ZNF616: variants seen among roughly 807,000 people sequenced by gnomAD.
ZNF616 encodes zinc finger protein 616.
Under a neutral mutation model 7.6 loss-of-function variants are expected in ZNF616, and 5 were observed. The ratio of observed to expected loss-of-function variants is 0.66; its 90% CI spans 0.34 to 1.38. The LOEUF is 1.38. ZNF616 is among the 40% of genes most tolerant of loss of function. ZNF616 has a pLI of 0.04. For synonymous variants in ZNF616, 319 were observed against 317.2 expected (o/e 1.01, Z -0.06); for missense variants, 913 against 948.3 (o/e 0.96, Z 0.49).
chr19:52,126,687 C>T (rs979156939), intron 2 of ZNF616, among the ~76,000 whole-genome samples: 4 of 151,868 alleles, frequency 2.6e-5, no homozygotes, highest in South Asian at 4.2e-4. Flanking sequence ...GACAATTGCC[C>T]GAACCCAGGA....
intron 1 of ZNF616, among the ~76,000 whole-genome samples, chr19:52,133,528 T>C (rs948256173): frequency 6.6e-6 from 1 of 152,036 alleles, no homozygotes; most frequent in African/African-American, 2.4e-5. Context: ...GGTTTTTGTG[T>C]GTGTGTGTGA....
chr19:52,132,840 T>C (rs1457416179), intron 1 of ZNF616, among the ~76,000 whole-genome samples: 1 of 152,168 alleles, frequency 6.6e-6, no homozygotes, highest in East Asian at 1.9e-4. Context: ...CAGTGGGGTT[T>C]AAAGCCATGA....
rs1372355296 is a variant in ZNF616 at position 52,116,057 on chromosome 19, T to C, written c.1107A>G (p.Val369=). ...GKAFRHRSNL[V]CHRRIHSGEK... ...CTCCACTGTGGATTCTCCGGTGACA[T>C]ACAAGATTTGATCTATGTCTGAATG... Residue 369 remains valine (V), a synonymous_variant, in exon 4 of 4, where the codon GTA becomes GTG. Coordinates refer to ENST00000600228, the MANE Select transcript of ZNF616 (RefSeq NM_178523.5). 2.5e-6 allele frequency: 4 copies of C among 1,614,234 alleles called. No homozygotes were observed. The highest frequency in any genetic ancestry group is 1.3e-5 in the African/African-American group (1 of 75,068).
intron 2 of ZNF616, among the ~76,000 whole-genome samples, chr19:52,128,757 A>G (rs891310309): frequency 2.0e-5 from 3 of 151,626 alleles, no homozygotes; most frequent in African/African-American, 7.3e-5. Flanking sequence ...AAAAAAAAAA[A>G]GCTAAAATGT....
rs772183255 is a variant in ZNF616, at chr19:52,115,332, C to T, written c.1832G>A (p.Gly611Asp). ...GEKPYKCHEC[G>D]KAFNQGSTLN... ...TGTGGAGCCCTGATTAAAGGCTTTG[C>T]CACATTCATGACATTTGTATGGTTT... Residue 611 changes from glycine (G) to aspartate (D), a missense_variant, in exon 4 of 4, where the codon GGC (glycine) becomes GAC (aspartate). By Grantham distance (94) the Gly-to-Asp change is moderately conservative. Transcript: ENST00000600228. The T allele has an allele frequency of 8.7e-6, 14 of 1,614,126 alleles. No homozygotes were observed. Among genetic ancestry groups the T allele is most frequent in the Admixed American group, 6.7e-5 (4 of 60,004 alleles).
intron 2 of ZNF616, 69 bp downstream of exon 2, chr19:52,130,432 C>T (rs1443693799): frequency 4.9e-6 from 7 of 1,419,260 alleles, no homozygotes; most frequent in Non-Finnish European, 7.0e-6. Context: ...ACGCCCTGTA[C>T]TTCACAAAGG....
intron 1 of ZNF616, among the ~76,000 whole-genome samples, chr19:52,131,125 A>G (rs1313839991): frequency 1.3e-5 from 2 of 152,064 alleles, no homozygotes; most frequent in Admixed American, 6.6e-5. Context: ...AAAATTAGCC[A>G]GGCATGGTGG....
At chr19:52,119,661 A>C (rs2088851887) in intron 3 of ZNF616, among the ~76,000 whole-genome samples, 1 of 152,146 alleles carries the variant, frequency 6.6e-6, no homozygotes, top group East Asian at 1.9e-4. Context: ...AACAGTTAAA[A>C]TCCTGACTTT....
In ZNF616 at chr19:52,115,620, T is replaced by A. The variant is rs898167523; in HGVS notation, c.1544A>T (p.His515Leu). Residue 515 changes from histidine to leucine, a missense_variant, in exon 4 of 4, where the codon CAT (histidine) becomes CTT (leucine). Transcript: ENST00000600228. ...HSRLAVHRRI[H>L]TGEKPYKCKE... is the part of the protein sequence containing the mutation. ...GCATTTGTAAGGTTTCTCTCCAGTA[T>A]GAATTCTCCGATGCACTGCAAGACG... 4 of 1,614,038 alleles carry A rather than the reference T, an allele frequency of 2.5e-6. No homozygotes were observed. Among genetic ancestry groups the A allele is most frequent in the Admixed American group, 1.7e-5 (1 of 60,024 alleles).
At chr19:52,124,157 C>T in intron 2 of ZNF616, 108 bp from the exon 3 acceptor site, 1 of 1,380,646 alleles carries the variant, frequency 7.2e-7, no homozygotes, top group Admixed American at 2.4e-5. Context: ...TTTGACATAT[C>T]TATATGGCAT....
intron 1 of ZNF616, 58 bp from the exon 2 acceptor site, chr19:52,130,646 C>T (rs1212673148): frequency 1.6e-6 from 2 of 1,279,258 alleles, no homozygotes; most frequent in African/African-American, 3.0e-5. Context: ...CTTTCTGTGT[C>T]ACAACCATGC....
intron 2 of ZNF616, among the ~76,000 whole-genome samples, chr19:52,128,933 C>T (rs1271360884): frequency 6.7e-6 from 1 of 149,514 alleles, no homozygotes; most frequent in Non-Finnish European, 1.5e-5. Context: ...TCTGTTTTGG[C>T]CAGAACAGCT....
intron 1 of ZNF616, among the ~76,000 whole-genome samples, chr19:52,132,922 T>G (rs141858383): frequency 2.0e-5 from 3 of 152,282 alleles, no homozygotes; most frequent in African/African-American, 7.2e-5. Flanking sequence ...GCCATGAGTC[T>G]TTCCCACATT....
At chr19:52,124,140 T>C in intron 2 of ZNF616, 91 bp from the exon 3 acceptor site, 1 of 1,487,486 alleles carries the variant, frequency 6.7e-7, no homozygotes. Flanking sequence ...CACTTTGAAG[T>C]GTGTGTTTTG....
intron 3 of ZNF616, among the ~76,000 whole-genome samples, chr19:52,117,445 T>A (rs1286709047): frequency 6.6e-6 from 1 of 152,162 alleles, no homozygotes; most frequent in African/African-American, 2.4e-5. Context: ...AGATATAGTG[T>A]AATGGTAAAT....
intron 1 of ZNF616, among the ~76,000 whole-genome samples, chr19:52,132,031 G>A (rs2088964824): frequency 6.6e-6 from 1 of 152,172 alleles, no homozygotes; most frequent in African/African-American, 2.4e-5. Context: ...AGCAGATCAG[G>A]TAGGGACGAG....
intron 3 of ZNF616, chr19:52,122,477 A>G (rs1191065622): frequency 6.6e-6 from 1 of 151,976 alleles, no homozygotes; most frequent in Non-Finnish European, 1.5e-5. Context: ...AAGAATGAAA[A>G]TCCGTCTCAA....
Position 52,115,727 on chromosome 19 carries a change from T to C in ZNF616, c.1437A>G (p.Arg479=). ...ECGKVFSIHS[R]LAAHQRIHTG... is the part of the protein sequence containing the mutation. ...TATGAATTCTCTGATGAGCTGCAAG[T>C]CGTGAATGTATGCTGAAAACTTTGC... Residue 479 remains arginine (R), a synonymous_variant, in exon 4 of 4, where the codon CGA becomes CGG. Coordinates refer to ENST00000600228, the MANE Select transcript of ZNF616 (RefSeq NM_178523.5). The C allele has an allele frequency of 2.5e-6, 4 of 1,611,380 alleles. No homozygotes were observed. The highest frequency in any genetic ancestry group is 1.1e-5 in the South Asian group (1 of 90,968).
rs1276556724 is a variant in ZNF616 at position 52,139,191 on chromosome 19, A to G, written c.-77+541T>C. 6.6e-6 allele frequency among the ~76,000 whole-genome samples: 1 copy of G among 151,830 alleles called. No individual in the cohort carries two copies. Among genetic ancestry groups the G allele is most frequent in the Non-Finnish European group, 1.5e-5 (1 of 67,998 alleles). On this transcript the variant is annotated intron_variant, in intron 1 of 3. Coordinates refer to ENST00000600228, the MANE Select transcript of ZNF616 (RefSeq NM_178523.5). This position sits in a 1 kb window ranked among gnomAD's most constrained non-coding sequence, Gnocchi z 4.1. ...CCCTCTCACCCACACATTCAGGAGG[A>G]AAGGGGAGGAATACGATGCCCACCT...
Sources: allele counts gnomAD v4.1 joint callset (sites outside exome capture counted in the v4.1 genomes callset), GRCh38; gene constraint gnomAD v4.1.1; non-coding constraint Gnocchi (gnomAD v3.1); transcripts MANE v1.5; gene names NCBI Gene and HGNC (gene_info 2026-07-23, HGNC 2026-07-21).